The following LMO7 variants were observed in gnomAD, a reference collection of about 807,000 sequenced individuals.
LMO7 encodes LIM domain 7, also known as LIM domain only protein 7.
Under a neutral mutation model 206.5 loss-of-function variants are expected in LMO7, and 120 were observed. The ratio of observed to expected loss-of-function variants is 0.58; its 90% CI spans 0.50 to 0.68. LMO7 has a LOEUF of 0.68. Among genes scored for constraint, LMO7 ranks in the 30% least tolerant of loss-of-function variants. LMO7 has a pLI of 0.00. For missense variants in LMO7, 1,959 were observed against 1,957.9 expected (o/e 1.00, Z -0.01); for synonymous variants, 706 against 681.5 (o/e 1.04, Z -0.56).
At position 75,681,031 on chromosome 13, in the gene LMO7, T is replaced by G. The variant is rs114957842; in HGVS notation, c.70-32151T>G. The stretch of plus-strand genomic sequence containing the variant: ...TGAGGTTTTTTTTTTGTTGTAAATT[T>G]GTTTAAATTCCTTATAGATTCTGAA... On this transcript the variant is annotated intron_variant, in intron 1 of 30. Transcript: ENST00000377534. Among the ~76,000 whole-genome samples, 1,263 of 152,268 alleles carry G rather than the reference T, an allele frequency of 8.3e-3. 17 individuals are homozygous for G. The highest frequency in any genetic ancestry group is 0.029 in the African/African-American group (1,199 of 41,552).
At chr13:75,749,288 A>AT (rs2047098558) in intron 3 of LMO7, among the ~76,000 whole-genome samples, 1 of 152,168 alleles carries the variant, frequency 6.6e-6, no homozygotes, top group Admixed American at 6.5e-5. Flanking sequence ...TAAAATATGC[A>AT]TTTTAGCATC....
At chr13:75,806,947 C>G (rs1266261470) in intron 9 of LMO7, 4 of 153,450 alleles carry the variant, frequency 2.6e-5, no homozygotes, top group South Asian at 2.0e-4. Flanking sequence ...ATGGTGAAAC[C>G]TTATCTCTAC....
chr13:75,730,497 C>G (rs1028721292), intron 3 of LMO7, among the ~76,000 whole-genome samples: 4 of 151,914 alleles, frequency 2.6e-5, no homozygotes, highest in African/African-American at 9.7e-5. Context: ...TTTTTTGTTG[C>G]GTCTATTTGA....
Position 75,646,512 on chromosome 13 carries a change from C to T in LMO7, c.69+9786C>T, listed in dbSNP as rs371925837. ...GGCTTGCCTATCTCATCTCCACCCCCACTCTTCGACTTGCTTACTGTGCTC... is the reference window on the plus strand; with the variant it reads ...GGCTTGCCTATCTCATCTCCACCCCTACTCTTCGACTTGCTTACTGTGCTC... On this transcript the variant is annotated intron_variant, in intron 1 of 30. Coordinates refer to ENST00000377534, the MANE Select transcript of LMO7 (RefSeq NM_001306080.2). 2.6e-5 allele frequency among the ~76,000 whole-genome samples: 4 copies of T among 152,290 alleles called. No homozygotes were observed. In the South Asian group the frequency reaches 8.3e-4, roughly 32 times the overall value.
chr13:75,820,297 A>C (rs1338754557), intron 13 of LMO7, among the ~76,000 whole-genome samples: 5 of 152,202 alleles, frequency 3.3e-5, no homozygotes, highest in African/African-American at 7.2e-5. Flanking sequence ...CCTTTCTATA[A>C]ATATGAATGG....
At chr13:75,695,539 G>A (rs1000785714) in intron 1 of LMO7, among the ~76,000 whole-genome samples, 1 of 152,140 alleles carries the variant, frequency 6.6e-6, no homozygotes, top group African/African-American at 2.4e-5. Context: ...TAGAGACGGG[G>A]TTTCACCGTG....
rs199672954 is a variant in LMO7, at chr13:75,834,321, G to A, written c.3160G>A (p.Glu1054Lys). 3.7e-6 allele frequency: 6 copies of A among 1,611,252 alleles called. No individual in the cohort carries two copies. The Admixed American group carries it at 8.4e-5, about 23-fold the overall frequency. Residue 1054 changes from glutamate (E) to lysine (K), a missense_variant, in exon 17 of 31, where the codon GAA becomes AAA. Glu to Lys is a moderately conservative substitution (Grantham distance 56). Coordinates refer to ENST00000377534, the MANE Select transcript of LMO7 (RefSeq NM_001306080.2). Reference sequence around the variant, plus strand: ...ATATAACGATTCAAAAGAGTGGGAGGAAGCCATGGCTAAGGCTCAAGAAAC... The same window carrying A: ...ATATAACGATTCAAAAGAGTGGGAGAAAGCCATGGCTAAGGCTCAAGAAAC... ...FSYNDSKEWE[E>K]AMAKAQETGH... is the part of the protein sequence containing the mutation.
intron 11 of LMO7, among the ~76,000 whole-genome samples, chr13:75,812,447 T>C (rs2056506825): frequency 6.6e-6 from 1 of 151,128 alleles, no homozygotes; most frequent in Non-Finnish European, 1.5e-5. Flanking sequence ...GCCTTAACCC[T>C]AGTATCATGG....
At chr13:75,766,793 T>C (rs946748508) in intron 4 of LMO7, among the ~76,000 whole-genome samples, 1 of 152,122 alleles carries the variant, frequency 6.6e-6, no homozygotes, top group Non-Finnish European at 1.5e-5. Flanking sequence ...ATTATTCCCT[T>C]TATCTCCTTG....
Position 75,636,667 on chromosome 13 carries a change from C to G in LMO7, c.10C>G (p.Leu4Val), listed in dbSNP as rs754402314. ...CTCCCTTGTCCTAGCCATGGAAGGGCTGGAGGAGGCAGAGGCCAACTGCTC... is the reference window on the plus strand; with the variant it reads ...CTCCCTTGTCCTAGCCATGGAAGGGGTGGAGGAGGCAGAGGCCAACTGCTC... MEG[L>V]EEAEANCSVA... The change falls in exon 1 of 31, where the codon CTG becomes GTG. Residue 4 changes from leucine (L) to valine (V), a missense_variant. Coordinates refer to ENST00000377534, the MANE Select transcript of LMO7 (RefSeq NM_001306080.2). The G allele has an allele frequency of 6.2e-6, 10 of 1,606,716 alleles. No individual in the cohort carries two copies. In the Admixed American group the frequency reaches 1.7e-4, roughly 27 times the overall value.
chr13:75,804,243 G>A, intron 7 of LMO7, 46 bp from the exon 8 acceptor site: 1 of 1,581,408 alleles, frequency 6.3e-7, no homozygotes, highest in Non-Finnish European at 8.6e-7. Context: ...TTTCAGTTAG[G>A]CGAATAATCT....
chr13:75,670,966 C>CTTTTTTTTTTTTTTTTTTTT (rs552236505), intron 1 of LMO7, among the ~76,000 whole-genome samples: 1 of 100,070 alleles, frequency 1.0e-5, no homozygotes, highest in East Asian at 2.4e-4. Flanking sequence ...ATGTTTAAAA[C>CTTTTTTTTTTTTTTTTTTTT]TTTTTTTTTT....
chr13:75,758,550 T>G (rs1012464718), intron 3 of LMO7, among the ~76,000 whole-genome samples: 2 of 152,186 alleles, frequency 1.3e-5, no homozygotes, highest in Non-Finnish European at 2.9e-5. Context: ...AAATAAAGTC[T>G]TTATTTAAGG....
At chr13:75,701,163 ATGTAGTGACCTTTTTGCTTCT>A (rs2042262637) in intron 1 of LMO7, among the ~76,000 whole-genome samples, 3 of 38,754 alleles carry the variant, frequency 7.7e-5, no homozygotes, top group African/African-American at 4.9e-4. Flanking sequence ...GAAGGTTGAC[ATGTAGTGACCTTTTTGCTTCT>A]GGAAGGTTGA....
chr13:75,698,811 A>G (rs1267283888), intron 1 of LMO7, among the ~76,000 whole-genome samples: 2 of 152,154 alleles, frequency 1.3e-5, no homozygotes, highest in Non-Finnish European at 2.9e-5. Flanking sequence ...TTAAAAAAAC[A>G]TTTATTGAGA....
chr13:75,723,914 C>T (rs889010457), intron 2 of LMO7, among the ~76,000 whole-genome samples: 7 of 152,092 alleles, frequency 4.6e-5, no homozygotes, highest in African/African-American at 1.7e-4. Context: ...ATGGCACTGG[C>T]ATATTTGGCA....
At chr13:75,626,873 A>G (rs1008048215) in intron 2 of LMO7, 1 of 151,994 alleles carries the variant, frequency 6.6e-6, no homozygotes, top group Admixed American at 6.6e-5. Context: ...GGCATGAGCC[A>G]CCGCACTCAG....
At chr13:75,732,447 A>G (rs1309579142) in intron 3 of LMO7, among the ~76,000 whole-genome samples, 2 of 152,102 alleles carry the variant, frequency 1.3e-5, no homozygotes, top group Non-Finnish European at 2.9e-5. Flanking sequence ...TTCGTCACGT[A>G]GTTCTCGAGC....
intron 4 of LMO7, among the ~76,000 whole-genome samples, chr13:75,777,422 T>G (rs1469935162): frequency 6.6e-6 from 1 of 152,190 alleles, no homozygotes; most frequent in Non-Finnish European, 1.5e-5. Context: ...ACGGTATATT[T>G]TTCTTCATTC....
Sources: gnomAD v4.1 joint callset for allele counts (sites outside exome capture counted in the v4.1 genomes callset) on GRCh38, gnomAD v4.1.1 for gene constraint, MANE v1.5 for transcripts, NCBI Gene and HGNC (gene_info 2026-07-23, HGNC 2026-07-21) for gene names.